The following CPLX4 variants were observed in gnomAD, a reference collection of about 807,000 sequenced individuals.
The protein encoded by CPLX4 is complexin 4, also known as complexin-4.
A neutral mutation model predicts 16.1 loss-of-function variants in CPLX4; 17 were observed. The ratio of observed to expected loss-of-function variants is 1.06; its 90% CI spans 0.72 to 1.59. CPLX4 has a LOEUF of 1.59. Among genes scored for constraint, CPLX4 ranks in the 40% most tolerant of loss-of-function variants. The pLI, the probability that CPLX4 is intolerant of heterozygous loss-of-function variation, is 0.00. For missense variants in CPLX4, 193 were observed against 192.9 expected, an observed-to-expected ratio of 1.00 and a Z score of 0.00; for synonymous variants, 55 against 57.8, an observed-to-expected ratio of 0.95 and a Z score of 0.22.
intron 2 of CPLX4, among the ~76,000 whole-genome samples, chr18:59,302,386 G>A (rs773135795): frequency 6.6e-6 from 1 of 152,228 alleles, no homozygotes; most frequent in Non-Finnish European, 1.5e-5. Context: ...CAGCTCCAGG[G>A]AGGGAGGGAA....
chr18:59,307,545 C>T (rs1419224447), intron 2 of CPLX4, among the ~76,000 whole-genome samples: 1 of 152,200 alleles, frequency 6.6e-6, no homozygotes, highest in Non-Finnish European at 1.5e-5. Context: ...CAGCCCTCCC[C>T]TGGCCTCAGT....
At position 59,318,454 on chromosome 18, in the gene CPLX4, G is replaced by A; in HGVS notation, c.9C>T (p.Phe3=). MA[F]LMKSMISNQV... The stretch of plus-strand genomic sequence containing the variant: ...GGTTACTTATCATACTTTTCATAAG[G>A]AAAGCCATTTTCTCTGCCCCAGAAA... The change falls in exon 1 of 3, where the codon TTC becomes TTT. Residue 3 remains phenylalanine, a synonymous_variant. Transcript: ENST00000299721. 1.2e-6 allele frequency: 2 copies of A among 1,602,756 alleles called. No homozygotes were observed. The highest frequency in any genetic ancestry group is 1.7e-6 in the Non-Finnish European group (2 of 1,175,646).
At chr18:59,305,600 G>C (rs184544067) in intron 2 of CPLX4, among the ~76,000 whole-genome samples, 3 of 152,296 alleles carry the variant, frequency 2.0e-5, no homozygotes, top group African/African-American at 7.2e-5. Flanking sequence ...GCCACCCATG[G>C]AAGTGGAGCC....
chr18:59,298,401 G>A (rs1342859797), intron 2 of CPLX4, among the ~76,000 whole-genome samples: 2 of 152,128 alleles, frequency 1.3e-5, no homozygotes, highest in Admixed American at 6.5e-5. Flanking sequence ...GTTGTAACAT[G>A]AGGTGACCTG....
At chr18:59,310,573 G>T (rs2070609941) in intron 2 of CPLX4, among the ~76,000 whole-genome samples, 1 of 152,044 alleles carries the variant, frequency 6.6e-6, no homozygotes. Context: ...CTAAGGACTG[G>T]CGGTCCTCAA....
intron 2 of CPLX4, among the ~76,000 whole-genome samples, 169 bp from the exon 3 acceptor site, chr18:59,297,094 AG>A (rs1169299696): frequency 3.3e-5 from 5 of 151,982 alleles, no homozygotes; most frequent in Non-Finnish European, 7.4e-5. Context: ...GGGCTTCTGT[AG>A]GGGGGTCCTT....
chr18:59,315,072 C>A (rs2070643167), intron 1 of CPLX4, among the ~76,000 whole-genome samples: 1 of 152,086 alleles, frequency 6.6e-6, no homozygotes, highest in Admixed American at 6.6e-5. Context: ...TACTGGGATG[C>A]ATTTAGTTTT....
chr18:59,308,713 C>A (rs1181596444), intron 2 of CPLX4, among the ~76,000 whole-genome samples: 1 of 152,188 alleles, frequency 6.6e-6, no homozygotes, highest in East Asian at 1.9e-4. Flanking sequence ...GCGACCGCTG[C>A]GCCCTCCTTG....
intron 2 of CPLX4, among the ~76,000 whole-genome samples, chr18:59,300,669 C>T (rs755132933): frequency 1.3e-5 from 2 of 152,158 alleles, no homozygotes; most frequent in African/African-American, 4.8e-5. Flanking sequence ...TAGATGGTAA[C>T]TGAATTATTT....
At chr18:59,305,891 C>T (rs1161736150) in intron 2 of CPLX4, among the ~76,000 whole-genome samples, 2 of 152,142 alleles carry the variant, frequency 1.3e-5, no homozygotes, top group African/African-American at 4.8e-5. Context: ...AGAAAGATAA[C>T]TCATAAAGAA....
chr18:59,308,475 T>C (rs2070592715), intron 2 of CPLX4, among the ~76,000 whole-genome samples: 2 of 149,282 alleles, frequency 1.3e-5, no homozygotes, highest in African/African-American at 2.5e-5. Context: ...TTTTTTTTTT[T>C]CCTTTTCTTT....
Position 59,296,608 on chromosome 18 carries a change from T to G in CPLX4, c.*90A>C, listed in dbSNP as rs1008291309. ...TCGTGGTTTTCCTAACTGTGTTCAC[T>G]ACATTAAAACATGTACTGCTTGAAA... On this transcript the variant is annotated 3_prime_UTR_variant, in exon 3 of 3. Coordinates refer to ENST00000299721, the MANE Select transcript of CPLX4 (RefSeq NM_181654.4). 2.8e-6 allele frequency: 4 copies of G among 1,414,316 alleles called. No individual in the cohort carries two copies. The Middle Eastern group carries it at 5.3e-4, about 187-fold the overall frequency. The allele number at this position is 1,414,316 out of a possible 1,614,324, so 87.6% of individuals were successfully genotyped here.
chr18:59,302,307 C>A (rs1012216161), intron 2 of CPLX4, among the ~76,000 whole-genome samples: 1 of 152,164 alleles, frequency 6.6e-6, no homozygotes, highest in Non-Finnish European at 1.5e-5. Context: ...AGAAGTAATG[C>A]CTCATTACAA....
At chr18:59,303,451 A>C (rs1006604751) in intron 2 of CPLX4, among the ~76,000 whole-genome samples, 1 of 152,136 alleles carries the variant, frequency 6.6e-6, no homozygotes, top group Non-Finnish European at 1.5e-5. Context: ...AGAGGAGGAA[A>C]GTGAGGTCTC....
At position 59,300,102 on chromosome 18, in the gene CPLX4, C is replaced by CG. The variant is rs539340160; in HGVS notation, c.256-3178dup. Among the ~76,000 whole-genome samples, 570 of 152,210 alleles carry CG rather than the reference C, an allele frequency of 3.7e-3. 5 individuals carry two copies. The highest frequency in any genetic ancestry group is 0.013 in the African/African-American group (543 of 41,546). ...ACCCCAGCTCTTTGGGAAGCTGAGG[C>CG]GGGGGGATCACCTGAGGTCAGGGGT... is the stretch of plus-strand genomic sequence containing the variant. On this transcript the variant is annotated intron_variant, in intron 2 of 2. Coordinates refer to ENST00000299721, the MANE Select transcript of CPLX4 (RefSeq NM_181654.4).
At chr18:59,308,079 C>G (rs1361454616) in intron 2 of CPLX4, among the ~76,000 whole-genome samples, 1 of 152,044 alleles carries the variant, frequency 6.6e-6, no homozygotes, top group African/African-American at 2.4e-5. Context: ...CGTCCGGCCT[C>G]TCTCTAAGGA....
chr18:59,303,935 G>T (rs375270054), intron 2 of CPLX4, among the ~76,000 whole-genome samples: 1 of 152,230 alleles, frequency 6.6e-6, no homozygotes, highest in Non-Finnish European at 1.5e-5. Context: ...AGAAACAGCT[G>T]CTCAGAAAGC....
In CPLX4 at chr18:59,302,716, G is replaced by A. The variant is rs563603230; in HGVS notation, c.256-5791C>T. ...GACTGATGCCTGACCTTTCACCAAAGGATAAACATGACCCTGGATTTCAAG... is the reference window on the plus strand; with the variant it reads ...GACTGATGCCTGACCTTTCACCAAAAGATAAACATGACCCTGGATTTCAAG... On this transcript the variant is annotated intron_variant, in intron 2 of 2. Transcript: ENST00000299721. Among the ~76,000 whole-genome samples, 7 of 152,262 alleles carry A rather than the reference G, an allele frequency of 4.6e-5. No homozygotes were observed. The East Asian group carries it at 1.4e-3, about 29-fold the overall frequency.
intron 2 of CPLX4, among the ~76,000 whole-genome samples, chr18:59,298,421 G>C (rs955566852): frequency 6.6e-6 from 1 of 152,138 alleles, no homozygotes; most frequent in Non-Finnish European, 1.5e-5. Flanking sequence ...GGGTTTCAGG[G>C]AAACAGAAGA....
Sources: allele counts gnomAD v4.1 joint callset (sites outside exome capture counted in the v4.1 genomes callset), GRCh38; gene constraint gnomAD v4.1.1; transcripts MANE v1.5; gene names NCBI Gene and HGNC (gene_info 2026-07-23, HGNC 2026-07-21).